Variants in LMAN2 observed in about 807,000 individuals in gnomAD.
LMAN2 encodes vesicular integral-membrane protein VIP36.
In LMAN2, 22 loss-of-function variants were observed where a neutral mutation model predicts 39.3. The ratio of observed to expected loss-of-function variants is 0.56; its 90% confidence interval spans 0.40 to 0.80. The LOEUF (loss-of-function observed/expected upper bound fraction) is 0.80, where lower values mean the gene tolerates loss of function less well. Among genes scored for constraint, LMAN2 ranks in the 30% least tolerant of loss-of-function variants. The pLI is 0.00. For synonymous variants in LMAN2, 207 were observed against 207.8 expected, an observed-to-expected ratio of 1.00 and a Z score of 0.03; for missense variants, 494 against 505.4, an observed-to-expected ratio of 0.98 and a Z score of 0.22.
intron 2 of LMAN2, among the ~76,000 whole-genome samples, chr5:177,344,601 C>A (rs990665000): frequency 6.6e-6 from 1 of 150,556 alleles, no homozygotes; most frequent in African/African-American, 2.4e-5. Context: ...CATTTTATCA[C>A]AATAGAAATA....
chr5:177,338,686 C>G (rs768565310), intron 2 of LMAN2, 81 bp from the exon 3 acceptor site: 1 of 1,073,756 alleles, frequency 9.3e-7, no homozygotes, highest in Non-Finnish European at 1.4e-6. Context: ...ACGGCCCCTG[C>G]CCCACAGACC....
In LMAN2 at chr5:177,338,585, C is replaced by G; in HGVS notation, c.336G>C (p.Trp112Cys). Residue 112 changes from tryptophan to cysteine, a missense_variant, in exon 3 of 8, where the codon TGG (tryptophan) becomes TGC (cysteine). Coordinates refer to ENST00000303127, the MANE Select transcript of LMAN2 (RefSeq NM_006816.3). ...WNHQPCFLKD[W>C]EMHVHFKVHG... ...GGACTTTGAAGTGGACGTGCATTTC[C>G]CAGTCTTTGAGGAAGCACGGCTGGA... The G allele has an allele frequency of 6.2e-7, 1 of 1,614,228 alleles. No homozygotes were observed. The highest frequency in any genetic ancestry group is 8.5e-7 in the Non-Finnish European group (1 of 1,180,030).
In LMAN2 at chr5:177,332,627, T is replaced by C. The variant is rs1761406023; in HGVS notation, c.911-381A>G. On this transcript the variant is annotated intron_variant, in intron 7 of 7. Transcript: ENST00000303127. This position sits in a 1 kb window ranked among gnomAD's most constrained non-coding sequence, Gnocchi z 6.3. ...CACGCTGTGGTCTGAGGGCCCTTTC[T>C]GGAGCAGCGCGGCCCTGGTCACAGG... Among the ~76,000 whole-genome samples, 2 of 152,114 alleles carry C rather than the reference T, an allele frequency of 1.3e-5. No individual in the cohort carries two copies. The highest frequency in any genetic ancestry group is 2.9e-5 in the Non-Finnish European group (2 of 67,990).
Position 177,344,274 on chromosome 5 carries a change from TTTG to T in LMAN2, c.316-5672_316-5670del, listed in dbSNP as rs1298252137. On this transcript the variant is annotated intron_variant, in intron 2 of 7. Transcript: ENST00000303127. ...TTAAAAACTGGTTAAAATGGTACGC[TTTG>T]TTACTTTTTTTTTTTTTTTTTTTTT... 1.3e-4 allele frequency among the ~76,000 whole-genome samples: 18 copies of T among 141,142 alleles called. No individual in the cohort carries two copies. The Middle Eastern group carries it at 0.011, about 85-fold the overall frequency. 92.6% of individuals were successfully genotyped at this position (141,142 alleles called of 152,430 possible). A position where few individuals can be genotyped will look rare whatever the true frequency, so the allele number is the denominator to read the frequency against.
chr5:177,334,314 G>T lies in LMAN2; in HGVS notation c.880C>A (p.Pro294Thr). Residue 294 changes from proline to threonine, a missense_variant, in exon 7 of 8, where the codon CCC becomes ACC. Physicochemically the swap from Pro to Thr is conservative, Grantham distance 38 (BLOSUM62 -1). Coordinates refer to ENST00000303127, the MANE Select transcript of LMAN2 (RefSeq NM_006816.3). ...GGCGACTTGAGGAAGTTGACGCTGG[G>T]CTCGATCTTGGTCCAGTCGATGCTC... The part of the protein sequence containing the change: ...EESIDWTKIE[P>T]SVNFLKSPKD... 1 of 1,612,814 alleles carries T rather than the reference G, an allele frequency of 6.2e-7. No homozygotes were observed. Among genetic ancestry groups the T allele is most frequent in the Non-Finnish European group, 8.5e-7 (1 of 1,179,986 alleles).
At chr5:177,333,202 CCT>C (rs1273189724) in intron 7 of LMAN2, among the ~76,000 whole-genome samples, 27 of 152,242 alleles carry the variant, frequency 1.8e-4, no homozygotes, top group African/African-American at 6.3e-4. Context: ...CTCACAGCTC[CCT>C]CTGTCTCCCT....
At chr5:177,342,527 A>C (rs1317761726) in intron 2 of LMAN2, among the ~76,000 whole-genome samples, 1 of 152,108 alleles carries the variant, frequency 6.6e-6, no homozygotes, top group Non-Finnish European at 1.5e-5. Context: ...TCTACAAAAA[A>C]ATACAAAAAT....
At chr5:177,339,844 A>G (rs1233848612) in intron 2 of LMAN2, among the ~76,000 whole-genome samples, 3 of 152,218 alleles carry the variant, frequency 2.0e-5, no homozygotes, top group African/African-American at 7.2e-5. Flanking sequence ...AATAAAAAAC[A>G]CTGTACCCCA....
intron 2 of LMAN2, among the ~76,000 whole-genome samples, chr5:177,339,461 G>A (rs1761521834): frequency 6.6e-6 from 1 of 152,234 alleles, no homozygotes; most frequent in Non-Finnish European, 1.5e-5. Flanking sequence ...GCTGGGGCAG[G>A]GATGGGCACC....
rs1448213809 is a variant in LMAN2 at position 177,337,115 on chromosome 5, C to T, written c.790+21G>A. 5.7e-6 allele frequency: 9 copies of T among 1,584,610 alleles called. No individual in the cohort carries two copies. The highest frequency in any genetic ancestry group is 1.3e-5 in the African/African-American group (1 of 74,446). On this transcript the variant is annotated intron_variant, in intron 6 of 7. Coordinates refer to ENST00000303127, the MANE Select transcript of LMAN2 (RefSeq NM_006816.3). The surrounding 1 kb of genome is among the most constrained non-coding windows in gnomAD (Gnocchi z 8.2). ...CAGGGTGAGCTGGGCTGGGAACCAA[C>T]GCCTGGCCCGGCCCACTCACCAGAC...
intron 2 of LMAN2, among the ~76,000 whole-genome samples, chr5:177,342,969 C>T (rs1761579386): frequency 6.6e-6 from 1 of 151,896 alleles, no homozygotes; most frequent in Non-Finnish European, 1.5e-5. Flanking sequence ...TTAAAAAACC[C>T]TAGGCCGGGC....
rs770829238 is a variant in LMAN2 at position 177,351,503 on chromosome 5, C to T, written c.145G>A (p.Gly49Ser). The T allele has an allele frequency of 1.4e-5, 22 of 1,614,236 alleles. No homozygotes were observed. The highest frequency in any genetic ancestry group is 1.7e-5 in the Non-Finnish European group (20 of 1,180,026). The change falls in exon 1 of 8, where the codon GGC becomes AGC. Residue 49 changes from glycine (G) to serine (S), a missense_variant. Physicochemically the swap from Gly to Ser is moderately conservative, Grantham distance 56 (BLOSUM62 0). Coordinates refer to ENST00000303127, the MANE Select transcript of LMAN2 (RefSeq NM_006816.3). Reference protein sequence around the residue: ...LGSVTADITDGNSEHLKREHS... With the variant: ...LGSVTADITDSNSEHLKREHS... ...TCCCGCTTGAGATGTTCACTGTTGC[C>T]GTCAGTTATATCCGCAGTCACAGAC...
intron 2 of LMAN2, among the ~76,000 whole-genome samples, chr5:177,346,828 C>G (rs554376171): frequency 9.9e-5 from 15 of 152,142 alleles, no homozygotes; most frequent in African/African-American, 3.4e-4. Context: ...TAACAAAGCT[C>G]TCTTAGTAAC....
rs951362169 is a variant in LMAN2 at position 177,337,964 on chromosome 5, T to C, written c.434-179A>G. 6.8e-6 allele frequency among the ~76,000 whole-genome samples: 1 copy of C among 146,344 alleles called. No homozygotes were observed. Among genetic ancestry groups the C allele is most frequent in the South Asian group, 2.2e-4 (1 of 4,638 alleles). On this transcript the variant is annotated intron_variant, in intron 3 of 7. Coordinates refer to ENST00000303127, the MANE Select transcript of LMAN2 (RefSeq NM_006816.3). This position sits in a 1 kb window ranked among gnomAD's most constrained non-coding sequence, Gnocchi z 8.2. ...AGGCTTTCTCCTCAGAAGTGGGGGGTCTAGGCATATGACACAGAGGACTCA... is the reference window on the plus strand; with the variant it reads ...AGGCTTTCTCCTCAGAAGTGGGGGGCCTAGGCATATGACACAGAGGACTCA...
At chr5:177,348,444 T>C (rs909626518) in intron 2 of LMAN2, among the ~76,000 whole-genome samples, 2 of 152,086 alleles carry the variant, frequency 1.3e-5, no homozygotes, top group African/African-American at 2.4e-5. Context: ...CCTAGCACTT[T>C]GGGAGGCCGA....
chr5:177,342,711 A>G (rs2127317653), intron 2 of LMAN2, among the ~76,000 whole-genome samples: 1 of 152,216 alleles, frequency 6.6e-6, no homozygotes, highest in South Asian at 2.1e-4. Context: ...AACCAACAAA[A>G]AAACCCTTTA....
Position 177,332,074 on chromosome 5 carries a change from C to A in LMAN2, c.*12G>T, listed in dbSNP as rs560345996. On this transcript the variant is annotated 3_prime_UTR_variant, in exon 8 of 8. Transcript: ENST00000303127. The surrounding 1 kb of genome is among the most constrained non-coding windows in gnomAD (Gnocchi z 6.3). ...TCCTGGGCCCAGGGACAGGCCCCGC[C>A]GGAGGCGCCACTCAGTAGAAGCGCT... 5 of 1,594,370 alleles carry A rather than the reference C, an allele frequency of 3.1e-6. No homozygotes were observed. In the African/African-American group the frequency reaches 6.7e-5, roughly 21 times the overall value.
chr5:177,344,537 C>T lies in LMAN2; in HGVS notation c.316-5932G>A, dbSNP rs1761606510. 2.0e-5 allele frequency among the ~76,000 whole-genome samples: 3 copies of T among 151,406 alleles called. No homozygotes were observed. In the South Asian group the frequency reaches 6.4e-4, roughly 32 times the overall value. ...CCTCGTGATCCACCTACCTCGGTCT[C>T]CCAAAGTGCTGGGATTATAGGCGTG... is the stretch of plus-strand genomic sequence containing the variant. On this transcript the variant is annotated intron_variant, in intron 2 of 7. Transcript: ENST00000303127.
rs547195678 is a variant in LMAN2, at chr5:177,333,130, T to A, written c.911-884A>T. On this transcript the variant is annotated intron_variant, in intron 7 of 7. Transcript: ENST00000303127. ...TCTGCACACCGACAGCAGCGGCCAC[T>A]GACCGAACGCGGAGGTCCCTAGGGA... is the stretch of plus-strand genomic sequence containing the variant. Among the ~76,000 whole-genome samples, 91 of 152,316 alleles carry A rather than the reference T, an allele frequency of 6.0e-4. 5 individuals are homozygous for A. In the South Asian group the frequency reaches 0.018, roughly 31 times the overall value.
Sources: gnomAD v4.1 joint callset for allele counts (sites outside exome capture counted in the v4.1 genomes callset) on GRCh38, gnomAD v4.1.1 for gene constraint, Gnocchi (gnomAD v3.1) non-coding constraint, MANE v1.5 for transcripts, NCBI Gene and HGNC (gene_info 2026-07-23, HGNC 2026-07-21) for gene names.